The following ISOC2 variants were observed in gnomAD, a reference collection of about 807,000 sequenced individuals.
ISOC2 encodes isochorismatase domain containing 2.
A neutral mutation model predicts 19.3 loss-of-function variants in ISOC2; 15 were observed. That is an observed-to-expected ratio of 0.78 (90% CI 0.52 to 1.20). The LOEUF is 1.20. Among genes scored for constraint, ISOC2 ranks in the 50% most tolerant of loss-of-function variants. The probability of loss-of-function intolerance (pLI) is 0.00; values close to 1 mark genes in which losing one functional copy is unlikely to be tolerated. For synonymous variants in ISOC2, 106 were observed against 115.8 expected (o/e 0.92, Z 0.54); for missense variants, 285 against 272.4 (o/e 1.05, Z -0.33).
Position 55,453,118 on chromosome 19 carries a change from A to C in ISOC2, c.*190T>G. 3 of 507,938 alleles carry C rather than the reference A, an allele frequency of 5.9e-6. No homozygotes were observed. Among genetic ancestry groups the C allele is most frequent in the Middle Eastern group, 5.1e-4 (1 of 1,952 alleles). The allele number at this position is 507,938 out of a possible 1,614,324, so 31.5% of individuals were successfully genotyped here. ...ATCTTGGCTCAGCCAATTCCCACCC[A>C]GTTTCCAGGAGTCTCATTTGCATTT... is the stretch of plus-strand genomic sequence containing the variant. On this transcript the variant is annotated 3_prime_UTR_variant, in exon 6 of 6. Coordinates refer to ENST00000425675, the MANE Select transcript of ISOC2 (RefSeq NM_001136201.2).
chr19:55,455,903 A>G, intron 2 of ISOC2, 58 bp from the exon 3 acceptor site: 1 of 1,394,796 alleles, frequency 7.2e-7, no homozygotes, highest in Non-Finnish European at 9.6e-7. Context: ...CTGGGCCTGG[A>G]CTCCTGGGTC....
intron 1 of ISOC2, among the ~76,000 whole-genome samples, chr19:55,458,689 G>A (rs1214816621): frequency 1.3e-5 from 2 of 151,836 alleles, no homozygotes; most frequent in African/African-American, 2.4e-5. Context: ...CACCATGCCT[G>A]GCTAATTTTT....
chr19:55,456,566 C>T, intron 1 of ISOC2, 77 bp from the exon 2 acceptor site: 1 of 1,561,508 alleles, frequency 6.4e-7, no homozygotes, highest in Non-Finnish European at 8.7e-7. Context: ...CAGGTCCTCA[C>T]ACTCAGAGCC....
At chr19:55,454,068 G>T (rs1985964539) in intron 5 of ISOC2, 1 of 152,482 alleles carries the variant, frequency 6.6e-6, no homozygotes, top group Non-Finnish European at 1.5e-5. Flanking sequence ...ATGGCTGCCC[G>T]TGGCTGAAAT....
In ISOC2 at chr19:55,453,365, G is replaced by A. The variant is rs371762158; in HGVS notation, c.561C>T (p.Pro187=). The change falls in exon 6 of 6, where the codon CCC becomes CCT. Residue 187 remains proline, a synonymous_variant. Transcript: ENST00000425675. ...GGCCCAGCAGTCCGCTGTCTGGGGC[G>A]GGCTCCTTGATGAGTTTCTGGATCT... is the stretch of plus-strand genomic sequence containing the variant. The part of the protein sequence containing the change: ...FKEIQKLIKE[P]APDSGLLGLF... 9 of 1,605,900 alleles carry A rather than the reference G, an allele frequency of 5.6e-6. No homozygotes were observed. Among genetic ancestry groups the A allele is most frequent in the Non-Finnish European group, 6.0e-6 (7 of 1,176,458 alleles).
At chr19:55,455,356 A>G in intron 3 of ISOC2, 26 bp from the exon 4 acceptor site, 2 of 1,613,936 alleles carry the variant, frequency 1.2e-6, no homozygotes, top group East Asian at 4.5e-5. Flanking sequence ...GGTCAGGGCC[A>G]ACCCCGGATA....
chr19:55,457,545 G>A (rs1986100179), intron 1 of ISOC2, among the ~76,000 whole-genome samples: 1 of 150,610 alleles, frequency 6.6e-6, no homozygotes, highest in South Asian at 2.1e-4. Flanking sequence ...AAAAAAAAAA[G>A]AGACTGGGCT....
chr19:55,454,516 GC>G (rs2123375221), intron 5 of ISOC2: 1 of 162,210 alleles, frequency 6.2e-6, no homozygotes, highest in African/African-American at 2.4e-5. Context: ...GACCCCGGTA[GC>G]AGGGTGGCCA....
At chr19:55,459,329 T>C (rs1986164439) in intron 1 of ISOC2, among the ~76,000 whole-genome samples, 1 of 152,136 alleles carries the variant, frequency 6.6e-6, no homozygotes. Context: ...GTTAAAATGG[T>C]CAATTTTATG....
chr19:55,461,077 G>A (rs1158144747), intron 1 of ISOC2, among the ~76,000 whole-genome samples: 1 of 152,006 alleles, frequency 6.6e-6, no homozygotes, highest in Admixed American at 6.6e-5. Flanking sequence ...AGGGTTGGGC[G>A]TGTCCTGCGG....
chr19:55,453,133 C>A lies in ISOC2; in HGVS notation c.*175G>T, dbSNP rs927596428. Reference sequence around the variant, plus strand: ...ATTCCCACCCAGTTTCCAGGAGTCTCATTTGCATTTCCGGGAGCAGCTGTC... The same window carrying A: ...ATTCCCACCCAGTTTCCAGGAGTCTAATTTGCATTTCCGGGAGCAGCTGTC... On this transcript the variant is annotated 3_prime_UTR_variant, in exon 6 of 6. Coordinates refer to ENST00000425675, the MANE Select transcript of ISOC2 (RefSeq NM_001136201.2). The A allele has an allele frequency of 1.5e-5, 8 of 530,604 alleles. No homozygotes were observed. The allele number at this position is 530,604 out of a possible 1,614,324, so 32.9% of individuals were successfully genotyped here. A position where few individuals can be genotyped will look rare whatever the true frequency, so the allele number is the denominator to read the frequency against.
chr19:55,456,795 G>A (rs1290179726), intron 1 of ISOC2, among the ~76,000 whole-genome samples: 1 of 152,144 alleles, frequency 6.6e-6, no homozygotes, highest in African/African-American at 2.4e-5. Flanking sequence ...CAACGTCAAG[G>A]AGTGCTTCAT....
chr19:55,457,909 C>CT (rs1469616292), intron 1 of ISOC2, among the ~76,000 whole-genome samples: 1 of 150,856 alleles, frequency 6.6e-6, no homozygotes, highest in Non-Finnish European at 1.5e-5. Flanking sequence ...AGGTTGACTG[C>CT]TGGGGGGTGT....
chr19:55,458,069 A>G (rs905766312), intron 1 of ISOC2, among the ~76,000 whole-genome samples: 4 of 151,412 alleles, frequency 2.6e-5, no homozygotes, highest in African/African-American at 9.7e-5. Flanking sequence ...TAAAAAAAAA[A>G]AAGAAAAGAA....
At chr19:55,454,784 T>C in intron 5 of ISOC2, 1 of 506,948 alleles carries the variant, frequency 2.0e-6, no homozygotes, top group Non-Finnish European at 3.6e-6. Context: ...GCCTCCCCCA[T>C]TTTATTGTTC....
intron 1 of ISOC2, 102 bp from the exon 2 acceptor site, chr19:55,456,591 G>A (rs1986070536): frequency 1.4e-6 from 2 of 1,457,804 alleles, no homozygotes; most frequent in Non-Finnish European, 1.8e-6. Context: ...AGGGCCCGGG[G>A]CACCTTGCCA....
intron 2 of ISOC2, chr19:55,456,101 G>A: frequency 1.7e-6 from 1 of 600,500 alleles, no homozygotes; most frequent in South Asian, 2.0e-5. Context: ...TGAAGGAAGA[G>A]GAGTTGGGCC....
intron 5 of ISOC2, chr19:55,454,471 C>A: frequency 6.3e-6 from 1 of 159,652 alleles, no homozygotes; most frequent in Non-Finnish European, 1.4e-5. Flanking sequence ...TCCTGAGGGC[C>A]AATGGCTTGA....
chr19:55,455,556 C>T (rs1271014466), intron 3 of ISOC2, 80 bp downstream of exon 3: 1 of 1,275,630 alleles, frequency 7.8e-7, no homozygotes, highest in East Asian at 2.4e-5. Flanking sequence ...GTGGAGGTTT[C>T]TGGTCAGGGA....
Sources: gnomAD v4.1 joint callset for allele counts (sites outside exome capture counted in the v4.1 genomes callset) on GRCh38, gnomAD v4.1.1 for gene constraint, MANE v1.5 for transcripts, NCBI Gene and HGNC (gene_info 2026-07-23, HGNC 2026-07-21) for gene names.